CDKN2B-AS1: variants seen among roughly 807,000 people sequenced by gnomAD.
CDKN2B-AS1 encodes CDKN2B and CDKN2A antisense cis and trans regulatory RNA 1, also known as CDKN2B antisense RNA 1 (non-protein coding).
intron 1 of CDKN2B-AS1, among the ~76,000 whole-genome samples, chr9:22,044,064 CA>C (rs1231468342): frequency 6.6e-6 from 1 of 151,928 alleles, no homozygotes; most frequent in Non-Finnish European, 1.5e-5. Context: ...CCATGAGTAT[CA>C]GATAAATATG....
Position 21,996,028 on chromosome 9 carries a change from G to C in CDKN2B-AS1, n.29+867G>C, listed in dbSNP as rs1820659576. On this transcript the variant is annotated intron_variant and non_coding_transcript_variant, in intron 1 of 4. Transcript: ENST00000650946. The surrounding 1 kb of genome is among the most constrained non-coding windows in gnomAD (Gnocchi z 5.4). ...TCATGCGCTTGGGCCTAGTGGCCTA[G>C]TTGAAGAAGTGGAACCACAGCGTGA... 6.6e-6 allele frequency: 1 copy of C among 152,518 alleles called. No individual in the cohort carries two copies. The highest frequency in any genetic ancestry group is 6.5e-5 in the Admixed American group (1 of 15,288). The allele number at this position is 152,518 out of a possible 1,614,324, so 9.4% of individuals were successfully genotyped here.
At chr9:22,045,791 T>C (rs898162330) in intron 1 of CDKN2B-AS1, among the ~76,000 whole-genome samples, 1 of 152,128 alleles carries the variant, frequency 6.6e-6, no homozygotes, top group Non-Finnish European at 1.5e-5. Context: ...AGTGAAGATA[T>C]AGCACTATAA....
intron 4 of CDKN2B-AS1, among the ~76,000 whole-genome samples, chr9:22,098,143 T>C (rs1046548406): frequency 6.8e-6 from 1 of 146,530 alleles, no homozygotes; most frequent in African/African-American, 2.7e-5. Flanking sequence ...TGGAATATCT[T>C]TCTCTCTCTG....
In CDKN2B-AS1 at chr9:22,001,597, A is replaced by G. The variant is rs1370846560; in HGVS notation, n.29+6436A>G. 6.6e-6 allele frequency among the ~76,000 whole-genome samples: 1 copy of G among 152,148 alleles called. No homozygotes were observed. The highest frequency in any genetic ancestry group is 1.5e-5 in the Non-Finnish European group (1 of 67,988). ...CATATTATTAATTAGTGGCACTAGT[A>G]TTAGTTCATATTTTCTTTTATTATG... On this transcript the variant is annotated intron_variant and non_coding_transcript_variant, in intron 1 of 4. Transcript: ENST00000650946. This position sits in a 1 kb window ranked among gnomAD's most constrained non-coding sequence, Gnocchi z 4.2.
chr9:22,064,893 T>G (rs1425667369), intron 4 of CDKN2B-AS1, among the ~76,000 whole-genome samples: 1 of 152,234 alleles, frequency 6.6e-6, no homozygotes, highest in African/African-American at 2.4e-5. Flanking sequence ...TCTCCCATCC[T>G]TGGAGTTGTG....
chr9:22,021,807 G>A lies in CDKN2B-AS1; in HGVS notation n.30-24944G>A, dbSNP rs184892632. On this transcript the variant is annotated intron_variant and non_coding_transcript_variant, in intron 1 of 4. Coordinates refer to ENST00000650946, the Ensembl canonical transcript of CDKN2B-AS1. ...TTCTTTCTCTTCCCTGATTGCCCTT[G>A]CCAGAATATTCAATACTATGTTGAA... Among the ~76,000 whole-genome samples the A allele has an allele frequency of 3.3e-3, 504 of 152,082 alleles. 2 individuals are homozygous for A. Among genetic ancestry groups the A allele is most frequent in the African/African-American group, 0.011 (448 of 41,508 alleles).
At chr9:22,068,463 G>A (rs770387379) in intron 4 of CDKN2B-AS1, among the ~76,000 whole-genome samples, 46 of 152,280 alleles carry the variant, frequency 3.0e-4, no homozygotes, top group African/African-American at 6.0e-4. Flanking sequence ...GGAGTCAGGC[G>A]GAGAAGAATG....
intron 4 of CDKN2B-AS1, among the ~76,000 whole-genome samples, chr9:22,078,405 T>C (rs1231266506): frequency 6.6e-6 from 1 of 152,230 alleles, no homozygotes; most frequent in African/African-American, 2.4e-5. Flanking sequence ...CACTTGTTTT[T>C]GACCAAAAAA....
intron 4 of CDKN2B-AS1, among the ~76,000 whole-genome samples, chr9:22,101,581 C>T (rs1311938604): frequency 4.6e-5 from 7 of 151,754 alleles, no homozygotes; most frequent in Admixed American, 6.6e-5. Context: ...TTTTGATTTT[C>T]AGCTTTCTCT....
At chr9:22,057,116 G>A (rs575165646) in intron 4 of CDKN2B-AS1, among the ~76,000 whole-genome samples, 55 of 152,150 alleles carry the variant, frequency 3.6e-4, no homozygotes, top group African/African-American at 1.3e-3. Context: ...TTGCCTCTGA[G>A]TGTATGTGAA....
intron 4 of CDKN2B-AS1, among the ~76,000 whole-genome samples, chr9:22,064,962 A>G (rs1372844437): frequency 6.6e-6 from 1 of 152,122 alleles, no homozygotes; most frequent in East Asian, 1.9e-4. Flanking sequence ...TACGATATAT[A>G]TGCTAGGTTT....
chr9:22,094,069 A>T (rs1392962446), intron 4 of CDKN2B-AS1, among the ~76,000 whole-genome samples: 1 of 143,602 alleles, frequency 7.0e-6, no homozygotes, highest in Non-Finnish European at 1.5e-5. Context: ...TTTCTCCTTC[A>T]CTTATGAAGC....
chr9:22,010,994 G>C (rs920988376), intron 1 of CDKN2B-AS1, among the ~76,000 whole-genome samples: 2 of 152,206 alleles, frequency 1.3e-5, no homozygotes, highest in African/African-American at 2.4e-5. Context: ...TAAGTAAAAT[G>C]ACTGAGAATC....
At position 21,995,796 on chromosome 9, in the gene CDKN2B-AS1, C is replaced by A. The variant is rs1422504741; in HGVS notation, n.29+635C>A. On this transcript the variant is annotated intron_variant and non_coding_transcript_variant, in intron 1 of 4. Coordinates refer to ENST00000650946, the Ensembl canonical transcript of CDKN2B-AS1. The surrounding 1 kb of genome is among the most constrained non-coding windows in gnomAD (Gnocchi z 5.7). ...CGGACGCGGGCTCGCCGGCTCTCCG[C>A]GCGCGGGAAGTCGAGCCCAGGACGC... is the stretch of plus-strand genomic sequence containing the variant. The A allele has an allele frequency of 6.6e-6, 1 of 152,268 alleles. No homozygotes were observed. The highest frequency in any genetic ancestry group is 1.5e-5 in the Non-Finnish European group (1 of 68,090). The allele number at this position is 152,268 out of a possible 1,614,324, so 9.4% of individuals were successfully genotyped here. A position where few individuals can be genotyped will look rare whatever the true frequency, so the allele number is the denominator to read the frequency against.
intron 4 of CDKN2B-AS1, among the ~76,000 whole-genome samples, chr9:22,113,987 T>TA (rs1317204307): frequency 3.9e-5 from 6 of 152,152 alleles, no homozygotes; most frequent in African/African-American, 1.4e-4. Flanking sequence ...AAAGACTCTA[T>TA]AGAGTCCAAA....
intron 4 of CDKN2B-AS1, among the ~76,000 whole-genome samples, chr9:22,067,906 A>T (rs1198135711): frequency 6.6e-6 from 1 of 152,128 alleles, no homozygotes; most frequent in Non-Finnish European, 1.5e-5. Context: ...TTCTCTTAAG[A>T]TTGTCTTTCT....
chr9:22,012,125 C>A, intron 1 of CDKN2B-AS1: 2 of 994,132 alleles, frequency 2.0e-6, no homozygotes, highest in Non-Finnish European at 3.1e-6. Context: ...TCTTTTTCTT[C>A]AGCGAGGCAG....
At chr9:22,091,640 A>G (rs1261611979) in intron 4 of CDKN2B-AS1, among the ~76,000 whole-genome samples, 4 of 152,152 alleles carry the variant, frequency 2.6e-5, no homozygotes, top group African/African-American at 9.7e-5. Context: ...TTATTGGTGT[A>G]TAAGAATGCT....
intron 3 of CDKN2B-AS1, among the ~76,000 whole-genome samples, chr9:22,050,899 A>G (rs944800): frequency 0.78 from 119,175 of 152,148 alleles, 47,779 homozygotes; most frequent in African/African-American, 0.94. Flanking sequence ...GAGTCTGATC[A>G]GCTCTGACAA....
Sources: gnomAD v4.1 joint callset for allele counts (sites outside exome capture counted in the v4.1 genomes callset) on GRCh38, gnomAD v4.1.1 for gene constraint, Gnocchi (gnomAD v3.1) non-coding constraint, MANE v1.5 for transcripts, NCBI Gene and HGNC (gene_info 2026-07-23, HGNC 2026-07-21) for gene names.